USP53: variants seen among roughly 807,000 people sequenced by gnomAD.
USP53 encodes ubiquitin specific peptidase 53.
A neutral mutation model predicts 94.9 loss-of-function variants in USP53; 71 were observed. The ratio of observed to expected loss-of-function variants is 0.75; its 90% CI spans 0.62 to 0.91. The LOEUF (loss-of-function observed/expected upper bound fraction) is 0.91. USP53 is among the 40% of genes least tolerant of loss of function. The probability of loss-of-function intolerance (pLI) is 0.00; values close to 1 mark genes in which losing one functional copy is unlikely to be tolerated. For missense variants in USP53, 1,173 were observed against 1,281.0 expected (o/e 0.92, Z 1.29); for synonymous variants, 375 against 422.7 (o/e 0.89, Z 1.39).
chr4:119,226,870 G>T (rs1745322566), intron 3 of USP53, among the ~76,000 whole-genome samples: 1 of 152,144 alleles, frequency 6.6e-6, no homozygotes. Context: ...CTCACACTCT[G>T]TCACCCAAGC....
chr4:119,291,356 C>G, intron 18 of USP53, 95 bp downstream of exon 18: 1 of 731,562 alleles, frequency 1.4e-6, no homozygotes, highest in Non-Finnish European at 2.2e-6. Flanking sequence ...AGCAATGGGT[C>G]TATAGTATTG....
chr4:119,283,619 ATAAT>A (rs1753758177), intron 17 of USP53, among the ~76,000 whole-genome samples: 1 of 151,860 alleles, frequency 6.6e-6, no homozygotes, highest in Admixed American at 6.6e-5. Flanking sequence ...TGTGGGCAGG[ATAAT>A]TAGTTAGCTT....
intron 4 of USP53, among the ~76,000 whole-genome samples, chr4:119,236,496 T>C (rs1476063572): frequency 6.6e-6 from 1 of 152,220 alleles, no homozygotes; most frequent in Non-Finnish European, 1.5e-5. Context: ...CACTGTTTGA[T>C]AGCATATTCC....
intron 12 of USP53, chr4:119,266,200 C>T: frequency 2.2e-6 from 1 of 446,692 alleles, no homozygotes; most frequent in South Asian, 1.6e-5. Flanking sequence ...TGGATTCACA[C>T]TTTATTTTTA....
At chr4:119,246,128 C>T (rs74678663) in intron 6 of USP53, among the ~76,000 whole-genome samples, 7,358 of 152,150 alleles carry the variant, frequency 0.048, 246 homozygotes, top group Middle Eastern at 0.088. Flanking sequence ...TGAGGGTAGC[C>T]GAGGTGGCTT....
chr4:119,281,423 T>A (rs2149459040), intron 17 of USP53, among the ~76,000 whole-genome samples: 1 of 152,312 alleles, frequency 6.6e-6, no homozygotes, highest in South Asian at 2.1e-4. Flanking sequence ...ATTTTTCAGT[T>A]TGCAGACAAA....
At chr4:119,245,218 G>T (rs1323671305) in intron 5 of USP53, 119 bp from the exon 6 acceptor site, 3 of 779,100 alleles carry the variant, frequency 3.9e-6, no homozygotes, top group Non-Finnish European at 2.1e-6. Context: ...TTATGTACAG[G>T]CAATTAAAAG....
At chr4:119,271,211 T>C in intron 15 of USP53, 85 bp from the exon 16 acceptor site, 1 of 1,490,458 alleles carries the variant, frequency 6.7e-7, no homozygotes, top group East Asian at 2.3e-5. Flanking sequence ...CTCTTTAACA[T>C]TTTATCTCTA....
intron 12 of USP53, among the ~76,000 whole-genome samples, chr4:119,263,254 G>C (rs1311050520): frequency 6.6e-6 from 1 of 152,168 alleles, no homozygotes; most frequent in Non-Finnish European, 1.5e-5. Context: ...ACAACATGCA[G>C]TTGAACAGAG....
intron 12 of USP53, among the ~76,000 whole-genome samples, chr4:119,263,405 C>A (rs574372948): frequency 6.6e-6 from 1 of 152,110 alleles, no homozygotes; most frequent in South Asian, 2.1e-4. Context: ...AACTGGAGTT[C>A]AGGGAGGCCT....
chr4:119,261,954 GATATA>G, intron 12 of USP53, 90 bp downstream of exon 12: 1 of 1,063,520 alleles, frequency 9.4e-7, no homozygotes, highest in Non-Finnish European at 1.2e-6. Flanking sequence ...TCAAAAGGAT[GATATA>G]ATTAATATGT....
rs534409087 is a variant in USP53, at chr4:119,235,972, G to A, written c.-543+561G>A. Among the ~76,000 whole-genome samples, 3 of 152,142 alleles carry A rather than the reference G, an allele frequency of 2.0e-5. No individual in the cohort carries two copies. The South Asian group carries it at 6.2e-4, about 32-fold the overall frequency. On this transcript the variant is annotated intron_variant, in intron 4 of 18. Coordinates refer to ENST00000692078, the MANE Select transcript of USP53 (RefSeq NM_001371395.1). ...ACTCTACAATTTATTATTCCTTAAGGTATTGTCTGCCTTTCGTCATTATAA... is the reference window on the plus strand; with the variant it reads ...ACTCTACAATTTATTATTCCTTAAGATATTGTCTGCCTTTCGTCATTATAA...
chr4:119,292,452 A>G lies in USP53; in HGVS notation c.2463A>G (p.Lys821=), dbSNP rs1343494555. 1 of 1,614,008 alleles carries G rather than the reference A, an allele frequency of 6.2e-7. No homozygotes were observed. Among genetic ancestry groups the G allele is most frequent in the Non-Finnish European group, 8.5e-7 (1 of 1,179,916 alleles). ...AGTCAGATGAACAGAAACTTGAAAA[A>G]CCGAATGAATGCAAATTTTCTGAGT... The part of the protein sequence containing the change: ...IHQSDEQKLE[K]PNECKFSEWL... Residue 821 remains lysine, a synonymous_variant, in exon 19 of 19, where the codon AAA becomes AAG. Coordinates refer to ENST00000692078, the MANE Select transcript of USP53 (RefSeq NM_001371395.1).
intron 3 of USP53, among the ~76,000 whole-genome samples, chr4:119,224,989 GA>G (rs988478611): frequency 1.1e-4 from 16 of 151,472 alleles, no homozygotes; most frequent in African/African-American, 3.6e-4. Flanking sequence ...GAAAGCAATA[GA>G]AAAAAAATCA....
At chr4:119,227,641 GA>G (rs1261177114) in intron 3 of USP53, among the ~76,000 whole-genome samples, 2 of 151,802 alleles carry the variant, frequency 1.3e-5, no homozygotes, top group East Asian at 1.9e-4. Context: ...AAAAAAGAAA[GA>G]AAAAAAATTG....
At position 119,293,130 on chromosome 4, in the gene USP53, T is replaced by C. The variant is rs776844146; in HGVS notation, c.3141T>C (p.Asp1047=). ...TTTCAGTTGATAGCTGCATGACGGA[T>C]ACATATAGATTGAAATACCATCAGA... ...TYFSVDSCMT[D]TYRLKYHQRP... is the part of the protein sequence containing the mutation. Residue 1047 remains aspartate, a synonymous_variant, in exon 19 of 19, where the codon GAT becomes GAC. Coordinates refer to ENST00000692078, the MANE Select transcript of USP53 (RefSeq NM_001371395.1). 13 of 1,613,630 alleles carry C rather than the reference T, an allele frequency of 8.1e-6. No individual in the cohort carries two copies. The highest frequency in any genetic ancestry group is 1.3e-5 in the African/African-American group (1 of 74,920).
intron 4 of USP53, among the ~76,000 whole-genome samples, chr4:119,237,899 CT>C (rs1332018618): frequency 6.6e-6 from 1 of 152,214 alleles, no homozygotes; most frequent in African/African-American, 2.4e-5. Context: ...TCAACCTCTG[CT>C]AGCTTCCTAC....
chr4:119,281,916 C>T (rs1753553102), intron 17 of USP53, among the ~76,000 whole-genome samples: 1 of 152,126 alleles, frequency 6.6e-6, no homozygotes, highest in Admixed American at 6.5e-5. Context: ...CCATCCATCT[C>T]CAGAACTTTT....
chr4:119,288,464 G>A (rs1487600369), intron 17 of USP53, among the ~76,000 whole-genome samples: 1 of 152,100 alleles, frequency 6.6e-6, no homozygotes, highest in Non-Finnish European at 1.5e-5. Flanking sequence ...AAAAATTGTG[G>A]ATATTATTCT....
Sources: gnomAD v4.1 joint callset for allele counts (sites outside exome capture counted in the v4.1 genomes callset) on GRCh38, gnomAD v4.1.1 for gene constraint, MANE v1.5 for transcripts, NCBI Gene and HGNC (gene_info 2026-07-23, HGNC 2026-07-21) for gene names.